CNGA1: variants seen among roughly 807,000 people sequenced by gnomAD.
CNGA1 encodes the protein cyclic nucleotide-gated channel alpha-1.
CNGA1 carries 53 observed loss-of-function variants against 69.7 expected under a neutral mutation model. The ratio of observed to expected loss-of-function variants is 0.76; its 90% CI spans 0.61 to 0.96. The LOEUF is 0.96. CNGA1 is among the 40% of genes least tolerant of loss of function. CNGA1 has a pLI of 0.00. For synonymous variants in CNGA1, 249 were observed against 283.5 expected (o/e 0.88, Z 1.22); for missense variants, 739 against 811.2 (o/e 0.91, Z 1.08).
chr4:47,973,756 CA>C (rs1741173706), intron 3 of CNGA1, among the ~76,000 whole-genome samples: 1 of 151,376 alleles, frequency 6.6e-6, no homozygotes, highest in South Asian at 2.1e-4. Context: ...TACCTCTGGA[CA>C]GTAGTATTAT....
chr4:47,958,653 T>G (rs997955393), intron 3 of CNGA1, among the ~76,000 whole-genome samples: 1 of 151,682 alleles, frequency 6.6e-6, no homozygotes, highest in Non-Finnish European at 1.5e-5. Flanking sequence ...AGATGATTAC[T>G]TGGGCACAGA....
chr4:47,939,689 G>T (rs1034249686), intron 10 of CNGA1, among the ~76,000 whole-genome samples: 2 of 152,184 alleles, frequency 1.3e-5, no homozygotes, highest in Non-Finnish European at 2.9e-5. Context: ...TTTTAACCCA[G>T]CTGGTGTTAC....
At chr4:47,991,473 A>G (rs1742265801) in intron 2 of CNGA1, among the ~76,000 whole-genome samples, 1 of 152,100 alleles carries the variant, frequency 6.6e-6, no homozygotes, top group Non-Finnish European at 1.5e-5. Flanking sequence ...TCTTTTGAGA[A>G]TTGTCTATTC....
chr4:47,948,286 G>A (rs1739529577), intron 6 of CNGA1, among the ~76,000 whole-genome samples: 1 of 152,096 alleles, frequency 6.6e-6, no homozygotes, highest in African/African-American at 2.4e-5. Context: ...GTTAAGGAGG[G>A]ACTTTTTGAA....
At chr4:47,996,259 A>G (rs888691357) in intron 2 of CNGA1, among the ~76,000 whole-genome samples, 2 of 152,092 alleles carry the variant, frequency 1.3e-5, no homozygotes, top group African/African-American at 4.8e-5. Flanking sequence ...AGCCCTCAGC[A>G]TGATTGGGGT....
At chr4:47,962,422 GAA>G (rs55895627) in intron 3 of CNGA1, among the ~76,000 whole-genome samples, 3 of 149,762 alleles carry the variant, frequency 2.0e-5, no homozygotes, top group Non-Finnish European at 3.0e-5. Context: ...TGTTGAAAAT[GAA>G]AAAAAAAAGT....
chr4:47,978,470 T>G (rs1183699994), intron 3 of CNGA1, among the ~76,000 whole-genome samples: 1 of 152,168 alleles, frequency 6.6e-6, no homozygotes, highest in Non-Finnish European at 1.5e-5. Flanking sequence ...ATAAAATCTG[T>G]TGTATTATAC....
In CNGA1 at chr4:48,016,520, T is replaced by A; in HGVS notation, c.-260A>T. On this transcript the variant is annotated 5_prime_UTR_variant, in exon 1 of 11. Transcript: ENST00000514170. ...CACGCTCCGAGAGACGCTGTTGCTC[T>A]ATGAGGCGTGTCTGTGTTTCTCTAG... 1 of 424,832 alleles carries A rather than the reference T, an allele frequency of 2.4e-6. No individual in the cohort carries two copies. The highest frequency in any genetic ancestry group is 4.2e-6 in the Non-Finnish European group (1 of 239,626). 26.3% of individuals were successfully genotyped at this position (424,832 alleles called of 1,614,324 possible). A position where few individuals can be genotyped will look rare whatever the true frequency, so the allele number is the denominator to read the frequency against.
At chr4:47,960,437 C>T (rs1031228612) in intron 3 of CNGA1, among the ~76,000 whole-genome samples, 33 of 152,096 alleles carry the variant, frequency 2.2e-4, no homozygotes, top group African/African-American at 7.7e-4. Flanking sequence ...TATAAAGCTT[C>T]TAGATGAAAA....
intron 3 of CNGA1, among the ~76,000 whole-genome samples, chr4:47,954,107 G>A (rs1194449079): frequency 6.6e-6 from 1 of 152,056 alleles, no homozygotes; most frequent in African/African-American, 2.4e-5. Flanking sequence ...GGCAGAGAGT[G>A]GTGGAGAGCA....
At chr4:47,942,392 C>A (rs1739141019) in intron 8 of CNGA1, among the ~76,000 whole-genome samples, 1 of 135,858 alleles carries the variant, frequency 7.4e-6, no homozygotes. Context: ...GAGAGGCCAG[C>A]TATGTTTTAT....
chr4:47,980,542 T>A (rs1741649024), intron 3 of CNGA1, among the ~76,000 whole-genome samples: 1 of 148,746 alleles, frequency 6.7e-6, no homozygotes, highest in South Asian at 2.1e-4. Context: ...TGGTGTGATC[T>A]CGGCTCACTG....
chr4:47,968,036 C>G (rs540075821), intron 3 of CNGA1, among the ~76,000 whole-genome samples: 1 of 151,942 alleles, frequency 6.6e-6, no homozygotes, highest in African/African-American at 2.4e-5. Flanking sequence ...AAATAGCACA[C>G]ATGTACAATG....
intron 3 of CNGA1, among the ~76,000 whole-genome samples, chr4:47,969,233 A>G (rs1000015827): frequency 6.6e-6 from 1 of 151,150 alleles, no homozygotes; most frequent in Non-Finnish European, 1.5e-5. Context: ...TCCATCTCCC[A>G]CCCCCAGGAG....
chr4:47,963,503 A>C (rs1002653066), intron 3 of CNGA1, among the ~76,000 whole-genome samples: 2 of 152,218 alleles, frequency 1.3e-5, no homozygotes, highest in Admixed American at 6.6e-5. Flanking sequence ...TTGTTGGACA[A>C]CTTTGTTCTT....
chr4:47,942,489 G>A (rs951145508), intron 8 of CNGA1, among the ~76,000 whole-genome samples: 5 of 151,050 alleles, frequency 3.3e-5, no homozygotes, highest in African/African-American at 1.2e-4. Flanking sequence ...GCATACATTA[G>A]GTTTTTACTA....
intron 2 of CNGA1, among the ~76,000 whole-genome samples, chr4:47,986,910 G>C (rs1013994155): frequency 4.6e-5 from 7 of 152,074 alleles, no homozygotes; most frequent in African/African-American, 1.7e-4. Context: ...AATTTCATGT[G>C]CATATATAAA....
intron 8 of CNGA1, among the ~76,000 whole-genome samples, 194 bp from the exon 9 acceptor site, chr4:47,942,342 A>C (rs1739132715): frequency 6.8e-6 from 1 of 146,178 alleles, no homozygotes; most frequent in African/African-American, 2.5e-5. Context: ...AGGGGTGGAT[A>C]GATAACAAAA....
intron 6 of CNGA1, among the ~76,000 whole-genome samples, chr4:47,949,589 TGTCA>T (rs1445223713): frequency 2.0e-5 from 3 of 152,240 alleles, no homozygotes; most frequent in African/African-American, 7.2e-5. Context: ...CACTTATTTT[TGTCA>T]GTCACTCTAT....
Sources: gnomAD v4.1 joint callset for allele counts (sites outside exome capture counted in the v4.1 genomes callset) on GRCh38, gnomAD v4.1.1 for gene constraint, MANE v1.5 for transcripts, NCBI Gene and HGNC (gene_info 2026-07-23, HGNC 2026-07-21) for gene names.